PITPNC1: variants seen among roughly 807,000 people sequenced by gnomAD.
PITPNC1 encodes cytoplasmic phosphatidylinositol transfer protein 1.
A neutral mutation model predicts 44.7 loss-of-function variants in PITPNC1; 18 were observed. The observed-to-expected ratio is 0.40, with a 90% CI of 0.28 to 0.60. The LOEUF is 0.60. PITPNC1 is among the 20% of genes least tolerant of loss of function. The probability of loss-of-function intolerance (pLI) is 0.39; values close to 1 mark genes in which losing one functional copy is unlikely to be tolerated. For synonymous variants in PITPNC1, 141 were observed against 149.6 expected (o/e 0.94, Z 0.42); for missense variants, 290 against 418.4 (o/e 0.69, Z 2.68).
chr17:67,378,943 C>A, intron 1 of PITPNC1: 1 of 983,588 alleles, frequency 1.0e-6, no homozygotes, highest in African/African-American at 1.7e-5. Context: ...CGGCTGGGGG[C>A]GCCGGGCGCG....
chr17:67,428,085 C>T (rs2143887174), intron 1 of PITPNC1, among the ~76,000 whole-genome samples: 1 of 152,228 alleles, frequency 6.6e-6, no homozygotes, highest in East Asian at 1.9e-4. Flanking sequence ...GGCTTGAACT[C>T]CTGGGCTCAA....
intron 4 of PITPNC1, among the ~76,000 whole-genome samples, chr17:67,575,879 C>CT (rs1209977482): frequency 2.7e-3 from 43 of 15,922 alleles, no homozygotes; most frequent in South Asian, 8.1e-3. Context: ...TCTTTCTTTC[C>CT]TTTTTTTTTT....
At chr17:67,428,687 C>G (rs957855364) in intron 1 of PITPNC1, among the ~76,000 whole-genome samples, 1 of 152,056 alleles carries the variant, frequency 6.6e-6, no homozygotes, top group East Asian at 1.9e-4. Context: ...ATGTACTACT[C>G]TAAGAAAAAC....
intron 1 of PITPNC1, among the ~76,000 whole-genome samples, chr17:67,446,624 G>A (rs977132189): frequency 3.3e-5 from 5 of 151,552 alleles, no homozygotes; most frequent in Non-Finnish European, 4.4e-5. Flanking sequence ...ATACTTTAGT[G>A]TTTGTAAAGG....
chr17:67,604,295 T>C (rs2642049), intron 5 of PITPNC1, among the ~76,000 whole-genome samples: 63,550 of 152,098 alleles, frequency 0.42, 16,291 homozygotes, highest in African/African-American at 0.73. Context: ...AGAGCTGGGT[T>C]GCCTCAATTC....
chr17:67,469,630 G>A (rs2039484797), intron 1 of PITPNC1, among the ~76,000 whole-genome samples: 1 of 152,102 alleles, frequency 6.6e-6, no homozygotes, highest in Non-Finnish European at 1.5e-5. Context: ...GGTCATCAGG[G>A]CCCTGCTGGC....
chr17:67,542,098 C>A (rs1184278464), intron 2 of PITPNC1, among the ~76,000 whole-genome samples: 4 of 152,174 alleles, frequency 2.6e-5, no homozygotes, highest in Non-Finnish European at 5.9e-5. Context: ...CTCAAACTAT[C>A]TATCAGTCAT....
At chr17:67,577,676 AAT>A (rs1454741765) in intron 4 of PITPNC1, among the ~76,000 whole-genome samples, 2 of 151,646 alleles carry the variant, frequency 1.3e-5, no homozygotes, top group Non-Finnish European at 2.9e-5. Flanking sequence ...AAAAATTAAA[AAT>A]AAATTTATGT....
At position 67,517,440 on chromosome 17, in the gene PITPNC1, C is replaced by T. The variant is rs551321650; in HGVS notation, c.49-15362C>T. On this transcript the variant is annotated intron_variant, in intron 1 of 8. Coordinates refer to ENST00000581322, the MANE Select transcript of PITPNC1 (RefSeq NM_012417.4). Reference sequence around the variant, plus strand: ...CATATCCAAGGGAAATGAAAACATACGTCCTCAAAAGACTCACCCACAAAT... The same window carrying T: ...CATATCCAAGGGAAATGAAAACATATGTCCTCAAAAGACTCACCCACAAAT... Among the ~76,000 whole-genome samples the T allele has an allele frequency of 2.2e-4, 33 of 152,264 alleles. No individual in the cohort carries two copies. In the South Asian group the frequency reaches 4.4e-3, roughly 20 times the overall value.
chr17:67,626,664 C>G lies in PITPNC1; in HGVS notation c.367-5479C>G, dbSNP rs561015004. On this transcript the variant is annotated intron_variant, in intron 5 of 8. Transcript: ENST00000581322. The stretch of plus-strand genomic sequence containing the variant: ...GATTACAGGTGTGAGCCACCATGCC[C>G]GGCCAGATAACTGAATTTAAACTCA... 1.9e-4 allele frequency among the ~76,000 whole-genome samples: 29 copies of G among 152,154 alleles called. 1 individual carries two copies. The highest frequency in any genetic ancestry group is 4.0e-4 in the Non-Finnish European group (27 of 67,998).
chr17:67,663,127 T>A (rs1282148203), intron 6 of PITPNC1, among the ~76,000 whole-genome samples: 1 of 152,214 alleles, frequency 6.6e-6, no homozygotes, highest in Non-Finnish European at 1.5e-5. Context: ...GAAGACTTCA[T>A]TTCTTCTTAT....
intron 6 of PITPNC1, among the ~76,000 whole-genome samples, chr17:67,647,296 A>G (rs1422516460): frequency 6.6e-6 from 1 of 151,504 alleles, no homozygotes; most frequent in African/African-American, 2.4e-5. Flanking sequence ...ACCTTTTATT[A>G]TTTTTTTTCT....
chr17:67,470,343 T>G (rs1047001430), intron 1 of PITPNC1, among the ~76,000 whole-genome samples: 1 of 152,200 alleles, frequency 6.6e-6, no homozygotes, highest in Non-Finnish European at 1.5e-5. Flanking sequence ...TACAGAACAT[T>G]TCATCACCCC....
At chr17:67,435,851 A>G (rs1190346573) in intron 1 of PITPNC1, among the ~76,000 whole-genome samples, 1 of 152,098 alleles carries the variant, frequency 6.6e-6, no homozygotes, top group Non-Finnish European at 1.5e-5. Context: ...GACTTTGTCT[A>G]CCACCGCACC....
chr17:67,516,727 T>G (rs2144100097), intron 1 of PITPNC1, among the ~76,000 whole-genome samples: 1 of 152,246 alleles, frequency 6.6e-6, no homozygotes, highest in Non-Finnish European at 1.5e-5. Context: ...CAAGCGATTC[T>G]CCCGCCTCAG....
intron 1 of PITPNC1, among the ~76,000 whole-genome samples, chr17:67,463,771 G>A (rs574909383): frequency 5.3e-5 from 8 of 152,166 alleles, no homozygotes; most frequent in African/African-American, 1.9e-4. Context: ...GGGCATGGTG[G>A]TGCACACCTG....
At chr17:67,550,073 G>A (rs2040739369) in intron 2 of PITPNC1, among the ~76,000 whole-genome samples, 1 of 152,108 alleles carries the variant, frequency 6.6e-6, no homozygotes, top group Non-Finnish European at 1.5e-5. Flanking sequence ...CTCCAACTTC[G>A]GTGATGGATG....
intron 8 of PITPNC1, 97 bp from the exon 9 acceptor site, chr17:67,692,475 G>A: frequency 1.2e-6 from 1 of 836,046 alleles, no homozygotes; most frequent in Non-Finnish European, 1.9e-6. Context: ...TTTATGATAG[G>A]GTTCCCATAG....
intron 1 of PITPNC1, among the ~76,000 whole-genome samples, chr17:67,507,315 A>G (rs944085012): frequency 3.3e-5 from 5 of 152,236 alleles, no homozygotes; most frequent in African/African-American, 9.6e-5. Context: ...AGAGCTGCAA[A>G]AACTTGGGAG....
Sources: gnomAD v4.1 joint callset for allele counts (sites outside exome capture counted in the v4.1 genomes callset) on GRCh38, gnomAD v4.1.1 for gene constraint, MANE v1.5 for transcripts, NCBI Gene and HGNC (gene_info 2026-07-23, HGNC 2026-07-21) for gene names.